CFAP141: variants seen among roughly 807,000 people sequenced by gnomAD.
CFAP141 encodes cilia and flagella associated protein 141, also known as cilia- and flagella-associated protein 141.
the CFAP141 span, among the ~76,000 whole-genome samples, chr1:154,200,772 T>TC: frequency 6.6e-6 from 1 of 152,274 alleles, no homozygotes; most frequent in South Asian, 2.1e-4. Flanking sequence ...AACCTCTGCC[T>TC]CCCAGGTTCA....
the CFAP141 span, chr1:154,205,551 G>A: frequency 6.4e-7 from 1 of 1,574,696 alleles, no homozygotes. Context: ...ACAGCAGAGT[G>A]GAAAGGTCAA....
At chr1:154,205,639 C>T in the CFAP141 span, 22 of 1,613,746 alleles carry the variant, frequency 1.4e-5, no homozygotes, top group African/African-American at 2.8e-4. Flanking sequence ...TTTGAAAACT[C>T]TGCAAGAAAA....
chr1:154,205,422 C>A, the CFAP141 span, among the ~76,000 whole-genome samples: 1 of 152,292 alleles, frequency 6.6e-6, no homozygotes, highest in Non-Finnish European at 1.5e-5. Context: ...CTAGTAGGCA[C>A]TAAGAGGCTG....
At chr1:154,200,489 T>C in the CFAP141 span, 1 of 1,614,132 alleles carries the variant, frequency 6.2e-7, no homozygotes. Context: ...CCAGTGCCAA[T>C]TCCTGTACCA....
chr1:154,203,172 AATAT>A, the CFAP141 span, among the ~76,000 whole-genome samples: 6 of 29,520 alleles, frequency 2.0e-4, no homozygotes, highest in Non-Finnish European at 2.7e-4. Context: ...TGACTGGGCA[AATAT>A]ATATATATAT....
the CFAP141 span, chr1:154,199,453 T>C: frequency 3.7e-6 from 6 of 1,612,818 alleles, no homozygotes; most frequent in Non-Finnish European, 5.1e-6. Context: ...TAAAAAGCTT[T>C]GCCCATCTGA....
At chr1:154,199,397 G>A in the CFAP141 span, 1 of 1,465,890 alleles carries the variant, frequency 6.8e-7, no homozygotes, top group Admixed American at 1.8e-5. Context: ...CAGGCATGTT[G>A]AGAATGGAAG....
the CFAP141 span, chr1:154,199,284 G>A: frequency 1.7e-6 from 1 of 584,474 alleles, no homozygotes; most frequent in Non-Finnish European, 3.1e-6. Context: ...GAGTGGAGAA[G>A]TGAGAGTGGA....
the CFAP141 span, chr1:154,205,477 ATC>A: frequency 3.3e-6 from 3 of 903,964 alleles, no homozygotes; most frequent in African/African-American, 4.9e-5. Flanking sequence ...CCCCTTCCGC[ATC>A]TGTTTTCCTC....
At chr1:154,201,098 C>T in the CFAP141 span, among the ~76,000 whole-genome samples, 1 of 152,218 alleles carries the variant, frequency 6.6e-6, no homozygotes, top group African/African-American at 2.4e-5. Flanking sequence ...TTAATCATTA[C>T]AGTAACTATG....
the CFAP141 span, among the ~76,000 whole-genome samples, chr1:154,204,260 T>C: frequency 1.3e-5 from 2 of 152,198 alleles, no homozygotes; most frequent in Non-Finnish European, 2.9e-5. Context: ...ACTGCCTTTG[T>C]AAACATGGCT....
chr1:154,202,477 CAT>C, the CFAP141 span, among the ~76,000 whole-genome samples: 2 of 151,750 alleles, frequency 1.3e-5, no homozygotes, highest in Non-Finnish European at 2.9e-5. Context: ...ACATTTTCCA[CAT>C]GTTGAAAAAA....
chr1:154,202,093 C>T, the CFAP141 span, among the ~76,000 whole-genome samples: 84,377 of 152,016 alleles, frequency 0.56, 24,345 homozygotes, highest in East Asian at 0.96. Context: ...CATGCCACCA[C>T]GCCCAGCTAA....
chr1:154,200,471 C>T, the CFAP141 span: 1 of 1,614,206 alleles, frequency 6.2e-7, no homozygotes, highest in Non-Finnish European at 8.5e-7. Flanking sequence ...TTAGTAGTTG[C>T]TTTTTGGCCA....
At chr1:154,200,382 AAG>A in the CFAP141 span, 4 of 1,500,992 alleles carry the variant, frequency 2.7e-6, no homozygotes, top group Non-Finnish European at 2.7e-6. Flanking sequence ...GACACACACT[AAG>A]AGCTTGGAAA....
At chr1:154,200,366 T>C in the CFAP141 span, 1 of 1,336,852 alleles carries the variant, frequency 7.5e-7, no homozygotes, top group East Asian at 2.4e-5. Context: ...AAGATAAATG[T>C]GCAATGACAC....
At chr1:154,200,315 T>G in the CFAP141 span, 5 of 776,346 alleles carry the variant, frequency 6.4e-6, no homozygotes, top group African/African-American at 7.1e-5. Context: ...GGAGTTAGAG[T>G]TGTGTTGCTC....
the CFAP141 span, among the ~76,000 whole-genome samples, chr1:154,201,442 C>CA: frequency 3.3e-5 from 5 of 150,680 alleles, no homozygotes; most frequent in South Asian, 1.0e-3. Context: ...GGCTGGAGTG[C>CA]AGTGAGGCAA....
the CFAP141 span, chr1:154,200,685 C>T: frequency 2.2e-6 from 3 of 1,368,014 alleles, no homozygotes; most frequent in South Asian, 1.3e-5. Flanking sequence ...TTTTCTTTTT[C>T]TTTTCTTTTT....
Sources: gnomAD v4.1 joint callset for allele counts (sites outside exome capture counted in the v4.1 genomes callset) on GRCh38, gnomAD v4.1.1 for gene constraint, MANE v1.5 for transcripts, NCBI Gene and HGNC (gene_info 2026-07-23, HGNC 2026-07-21) for gene names.